Variants in PTPRC observed in about 807,000 individuals in gnomAD.
PTPRC encodes the protein receptor-type tyrosine-protein phosphatase C.
PTPRC carries 44 observed loss-of-function variants against 155.9 expected under a neutral mutation model. The observed-to-expected ratio is 0.28, with a 90% CI of 0.22 to 0.36. PTPRC has a LOEUF of 0.36. Ranked by LOEUF, PTPRC falls within the 10% of genes least tolerant of loss-of-function variation. PTPRC has a pLI of 1.00. For missense variants in PTPRC, 1,401 were observed against 1,564.6 expected (o/e 0.90, Z 1.76); for synonymous variants, 525 against 533.1 (o/e 0.98, Z 0.21).
intron 23 of PTPRC, among the ~76,000 whole-genome samples, chr1:198,736,396 TATTTTA>T (rs1654639545): frequency 6.6e-6 from 1 of 151,686 alleles, no homozygotes; most frequent in Admixed American, 6.6e-5. Context: ...AGAGTTCAGT[TATTTTA>T]AATTTTGGCT....
rs529865592 is a variant in PTPRC, at chr1:198,757,265, A to AT, written c.*1091dup. 21 of 151,660 alleles carry AT rather than the reference A, an allele frequency of 1.4e-4. No individual in the cohort carries two copies. In the East Asian group the frequency reaches 4.1e-3, roughly 30 times the overall value. The allele number at this position is 151,660 out of a possible 1,614,324, so 9.4% of individuals were successfully genotyped here. On this transcript the variant is annotated 3_prime_UTR_variant, in exon 33 of 33. Coordinates refer to ENST00000442510, the MANE Select transcript of PTPRC (RefSeq NM_002838.5). ...CTAATCATAATAAAATTCAACCATT[A>AT]TTTTTTTCTTGTTTATAATACATTG... is the stretch of plus-strand genomic sequence containing the variant.
chr1:198,646,173 A>T (rs770675100), intron 2 of PTPRC, among the ~76,000 whole-genome samples: 1 of 151,812 alleles, frequency 6.6e-6, no homozygotes, highest in African/African-American at 2.4e-5. Context: ...TTATATATAT[A>T]TTACCTAGTG....
chr1:198,747,130 T>G lies in PTPRC; in HGVS notation c.2848-979T>G, dbSNP rs150911415. The stretch of plus-strand genomic sequence containing the variant: ...TATTATTCACTTGACAAATACTTAT[T>G]TAAGGACTAGTGGAAAGACTGTAGG... On this transcript the variant is annotated intron_variant, in intron 26 of 32. Transcript: ENST00000442510. 1.4e-4 allele frequency among the ~76,000 whole-genome samples: 21 copies of G among 151,800 alleles called. No homozygotes were observed. In the East Asian group the frequency reaches 3.9e-3, roughly 28 times the overall value.
At chr1:198,650,861 G>C (rs929706099) in intron 2 of PTPRC, among the ~76,000 whole-genome samples, 1 of 151,822 alleles carries the variant, frequency 6.6e-6, no homozygotes, top group Non-Finnish European at 1.5e-5. Context: ...GTGAAAAAAA[G>C]TAGAACTATA....
At chr1:198,715,819 G>A (rs763117185) in intron 12 of PTPRC, among the ~76,000 whole-genome samples, 9 of 152,022 alleles carry the variant, frequency 5.9e-5, no homozygotes, top group Non-Finnish European at 1.2e-4. Flanking sequence ...TTTAAAAATC[G>A]TTATTGATAT....
intron 23 of PTPRC, among the ~76,000 whole-genome samples, chr1:198,739,215 G>A (rs767459010): frequency 3.3e-5 from 5 of 151,590 alleles, no homozygotes; most frequent in Admixed American, 6.6e-5. Flanking sequence ...GCAGGAGTAA[G>A]TCTTTATTTA....
intron 31 of PTPRC, among the ~76,000 whole-genome samples, chr1:198,753,849 A>T (rs1441340907): frequency 6.6e-6 from 1 of 152,072 alleles, no homozygotes. Flanking sequence ...AAGAGTGAAG[A>T]AGAGCATGTG....
intron 2 of PTPRC, among the ~76,000 whole-genome samples, chr1:198,684,234 C>T (rs1474417820): frequency 1.3e-5 from 2 of 150,936 alleles, no homozygotes; most frequent in Non-Finnish European, 3.0e-5. Flanking sequence ...TTTCGTTAAT[C>T]AACATGCCTG....
chr1:198,739,960 T>C lies in PTPRC; in HGVS notation c.2404-1909T>C, dbSNP rs546788974. ...TCATGGAGAGTGAACAATATATTCCTCAATGACCACTGATTCAATGAGGAA... is the reference window on the plus strand; with the variant it reads ...TCATGGAGAGTGAACAATATATTCCCCAATGACCACTGATTCAATGAGGAA... On this transcript the variant is annotated intron_variant, in intron 23 of 32. Coordinates refer to ENST00000442510, the MANE Select transcript of PTPRC (RefSeq NM_002838.5). 1.2e-3 allele frequency among the ~76,000 whole-genome samples: 177 copies of C among 151,956 alleles called. 4 individuals carry two copies. The South Asian group carries it at 0.031, about 27-fold the overall frequency.
intron 12 of PTPRC, 149 bp downstream of exon 12, chr1:198,713,221 C>T (rs1571861844): frequency 8.7e-7 from 1 of 1,143,748 alleles, no homozygotes; most frequent in Non-Finnish European, 1.2e-6. Context: ...ATTGCTTCCA[C>T]TCATTCAAAG....
At chr1:198,662,813 A>G (rs1366318713) in intron 2 of PTPRC, among the ~76,000 whole-genome samples, 2 of 152,158 alleles carry the variant, frequency 1.3e-5, no homozygotes, top group Non-Finnish European at 2.9e-5. Context: ...GTCTGCTTCT[A>G]TAACTGTCAC....
In PTPRC at chr1:198,696,872, G is replaced by A. The variant is rs780344153; in HGVS notation, c.261G>A (p.Pro87=). The A allele has an allele frequency of 4.8e-5, 78 of 1,613,858 alleles. No individual in the cohort carries two copies. The highest frequency in any genetic ancestry group is 5.8e-5 in the Non-Finnish European group (69 of 1,179,928). Residue 87 remains proline, a synonymous_variant, in exon 4 of 33, where the codon CCG becomes CCA. Transcript: ENST00000442510. ...SPDNTSTQVS[P]DSLDNASAFN... is the part of the protein sequence containing the mutation. ...ACAATACTTCCACCCAAGTATCCCC[G>A]GACTCTTTGGATAATGCTAGTGCTT... is the stretch of plus-strand genomic sequence containing the variant.
chr1:198,663,681 T>C (rs1478910356), intron 2 of PTPRC, among the ~76,000 whole-genome samples: 2 of 152,234 alleles, frequency 1.3e-5, no homozygotes, highest in African/African-American at 2.4e-5. Context: ...TTCTTGGATT[T>C]AAATCCCAAC....
intron 12 of PTPRC, among the ~76,000 whole-genome samples, chr1:198,714,972 T>C (rs557571825): frequency 3.3e-4 from 50 of 152,338 alleles, no homozygotes; most frequent in African/African-American, 1.2e-3. Flanking sequence ...TTTAATTATG[T>C]ATTATTTAAA....
At chr1:198,693,476 A>G (rs1183760886) in intron 3 of PTPRC, among the ~76,000 whole-genome samples, 1 of 152,202 alleles carries the variant, frequency 6.6e-6, no homozygotes, top group East Asian at 1.9e-4. Flanking sequence ...GGAAAGGGAT[A>G]GGTATAAGGT....
intron 4 of PTPRC, among the ~76,000 whole-genome samples, chr1:198,697,524 GA>G (rs1453257760): frequency 6.6e-6 from 1 of 152,182 alleles, no homozygotes; most frequent in Non-Finnish European, 1.5e-5. Context: ...ATTGATGCAA[GA>G]GATATTTTTG....
chr1:198,716,649 G>A (rs769796612), intron 12 of PTPRC, 33 bp from the exon 13 acceptor site: 12 of 1,597,560 alleles, frequency 7.5e-6, no homozygotes, highest in South Asian at 1.1e-5. Context: ...GACTTTTAAC[G>A]ACTTACTAAT....
At position 198,756,186 on chromosome 1, in the gene PTPRC, A is replaced by G; in HGVS notation, c.*5A>G. 6.2e-7 allele frequency: 1 copy of G among 1,612,906 alleles called. No individual in the cohort carries two copies. The highest frequency in any genetic ancestry group is 8.5e-7 in the Non-Finnish European group (1 of 1,179,392). Reference sequence around the variant, plus strand: ...GCTTTAAATCAAGGTTCATAGGAAAAGACATAAATGAGGAAACTCCAAACC... The same window carrying G: ...GCTTTAAATCAAGGTTCATAGGAAAGGACATAAATGAGGAAACTCCAAACC... On this transcript the variant is annotated 3_prime_UTR_variant, in exon 33 of 33. Coordinates refer to ENST00000442510, the MANE Select transcript of PTPRC (RefSeq NM_002838.5).
At chr1:198,677,263 A>C (rs1307161663) in intron 2 of PTPRC, among the ~76,000 whole-genome samples, 2 of 152,178 alleles carry the variant, frequency 1.3e-5, no homozygotes, top group Non-Finnish European at 2.9e-5. Flanking sequence ...TCACCTACTG[A>C]AAGCTCTATA....
Sources: gnomAD v4.1 joint callset for allele counts (sites outside exome capture counted in the v4.1 genomes callset) on GRCh38, gnomAD v4.1.1 for gene constraint, MANE v1.5 for transcripts, NCBI Gene and HGNC (gene_info 2026-07-23, HGNC 2026-07-21) for gene names.